The following TNIP3 variants were observed in gnomAD, a reference collection of about 807,000 sequenced individuals.
The protein encoded by TNIP3 is TNFAIP3-interacting protein 3.
Under a neutral mutation model 54.1 loss-of-function variants are expected in TNIP3, and 34 were observed. The observed-to-expected ratio is 0.63, with a 90% confidence interval of 0.48 to 0.84. The LOEUF is 0.84. Among genes scored for constraint, TNIP3 ranks in the 40% least tolerant of loss-of-function variants. The pLI, the probability that TNIP3 is intolerant of heterozygous loss-of-function variation, is 0.00. For missense variants in TNIP3, 366 were observed against 387.6 expected (o/e 0.94, Z 0.47); for synonymous variants, 134 against 136.8 (o/e 0.98, Z 0.14).
chr4:121,218,810 CCTCAG>C (rs1291653971), upstream of TNIP3, among the ~76,000 whole-genome samples: 3 of 147,818 alleles, frequency 2.0e-5, no homozygotes, highest in Non-Finnish European at 3.0e-5. Flanking sequence ...AATTCTCCTC[CCTCAG>C]CCTCTTGAGT....
intron 3 of TNIP3, among the ~76,000 whole-genome samples, chr4:121,169,878 G>A (rs1730975339): frequency 6.6e-6 from 1 of 152,208 alleles, no homozygotes; most frequent in African/African-American, 2.4e-5. Context: ...ATATAGCGAG[G>A]TTGTTTGCAG....
At chr4:121,200,659 C>G (rs1725834209) in intron 2 of TNIP3, among the ~76,000 whole-genome samples, 1 of 152,170 alleles carries the variant, frequency 6.6e-6, no homozygotes, top group Non-Finnish European at 1.5e-5. Flanking sequence ...AATGCCAAAG[C>G]TATTGGTTTA....
intron 10 of TNIP3, among the ~76,000 whole-genome samples, chr4:121,133,251 G>T (rs1728582646): frequency 6.6e-6 from 1 of 152,172 alleles, no homozygotes; most frequent in Non-Finnish European, 1.5e-5. Flanking sequence ...GAAACAAAGA[G>T]TTATCCTTAT....
At chr4:121,174,739 T>C (rs1266555902) in intron 3 of TNIP3, among the ~76,000 whole-genome samples, 1 of 152,112 alleles carries the variant, frequency 6.6e-6, no homozygotes, top group African/African-American at 2.4e-5. Context: ...AGAAAACATA[T>C]TTACATACTT....
At chr4:121,163,940 A>C in intron 1 of TNIP3, 120 bp downstream of exon 1, 1 of 1,176,650 alleles carries the variant, frequency 8.5e-7, no homozygotes, top group Non-Finnish European at 1.2e-6. Flanking sequence ...TATAGAGCAA[A>C]TCTTAGCTAA....
At chr4:121,220,208 G>A (rs955293772), upstream of TNIP3, among the ~76,000 whole-genome samples, 2 of 152,178 alleles carry the variant, frequency 1.3e-5, no homozygotes, top group African/African-American at 2.4e-5. Context: ...CCTACAGGTA[G>A]GCAGTCAGTT....
intron 5 of TNIP3, among the ~76,000 whole-genome samples, chr4:121,150,949 T>C (rs886144614): frequency 6.6e-6 from 1 of 152,178 alleles, no homozygotes; most frequent in African/African-American, 2.4e-5. Flanking sequence ...TAGCATGACA[T>C]GAGGAGAGGA....
intron 10 of TNIP3, chr4:121,137,326 A>G (rs555533046): frequency 4.6e-5 from 7 of 152,304 alleles, no homozygotes; most frequent in African/African-American, 1.7e-4. Context: ...TGCAACACAC[A>G]TTCCGGTTAA....
At chr4:121,177,931 T>G (rs1166558292) in intron 3 of TNIP3, among the ~76,000 whole-genome samples, 1 of 152,202 alleles carries the variant, frequency 6.6e-6, no homozygotes, top group African/African-American at 2.4e-5. Context: ...AGTGGTCTAT[T>G]GGGATAAAGA....
chr4:121,157,339 C>A, intron 3 of TNIP3, 96 bp from the exon 4 acceptor site: 1 of 1,516,780 alleles, frequency 6.6e-7, no homozygotes, highest in Non-Finnish European at 9.1e-7. Context: ...CAGAAACGCC[C>A]CACCCCAGGA....
chr4:121,163,613 G>GT (rs1485506708), intron 1 of TNIP3, among the ~76,000 whole-genome samples: 1 of 151,956 alleles, frequency 6.6e-6, no homozygotes, highest in Non-Finnish European at 1.5e-5. Flanking sequence ...TTATACCTTG[G>GT]TTATCTGTAA....
chr4:121,147,279 C>T lies in TNIP3; in HGVS notation c.610-105G>A, dbSNP rs535270179. The T allele has an allele frequency of 2.2e-4, 309 of 1,374,198 alleles. 2 individuals are homozygous for T. The African/African-American group carries it at 3.8e-3, about 17-fold the overall frequency. 85.1% of individuals were successfully genotyped at this position (1,374,198 alleles called of 1,614,324 possible). A position where few individuals can be genotyped will look rare whatever the true frequency, so the allele number is the denominator to read the frequency against. Reference sequence around the variant, plus strand: ...TGCCTACTCCATTATTGTAAAGAACCCTCCCAACTAGTGTTCAGTGTCACT... The same window carrying T: ...TGCCTACTCCATTATTGTAAAGAACTCTCCCAACTAGTGTTCAGTGTCACT... On this transcript the variant is annotated intron_variant, in intron 6 of 10. Coordinates refer to ENST00000057513, the MANE Select transcript of TNIP3 (RefSeq NM_024873.6).
At position 121,138,047 on chromosome 4, in the gene TNIP3, A is replaced by G. The variant is rs1032603716; in HGVS notation, c.946+577T>C. 3 of 447,322 alleles carry G rather than the reference A, an allele frequency of 6.7e-6. No individual in the cohort carries two copies. The East Asian group carries it at 2.1e-4, about 31-fold the overall frequency. 27.7% of individuals were successfully genotyped at this position (447,322 alleles called of 1,614,324 possible). ...AGAAAACAGAAAATGTTAAATCAAT[A>G]AAAAATAAGATTTAAAAAAGTACTC... On this transcript the variant is annotated intron_variant, in intron 10 of 10. Transcript: ENST00000057513.
chr4:121,186,102 G>T (rs1725003914), intron 2 of TNIP3, among the ~76,000 whole-genome samples: 1 of 152,196 alleles, frequency 6.6e-6, no homozygotes, highest in African/African-American at 2.4e-5. Flanking sequence ...TGAGGATAGT[G>T]GTTTTCTGGG....
intron 6 of TNIP3, 83 bp downstream of exon 6, chr4:121,150,020 G>T: frequency 1.3e-6 from 1 of 786,572 alleles, no homozygotes; most frequent in Non-Finnish European, 2.1e-6. Context: ...ATTTCTAGCA[G>T]CAAGACATCT....
intron 10 of TNIP3, among the ~76,000 whole-genome samples, chr4:121,135,249 A>T (rs1014917261): frequency 6.6e-6 from 1 of 152,152 alleles, no homozygotes; most frequent in Admixed American, 6.5e-5. Context: ...GATTCATGAG[A>T]TTTACACAGA....
At chr4:121,138,207 G>C (rs553797361) in intron 10 of TNIP3, among the ~76,000 whole-genome samples, 1 of 152,170 alleles carries the variant, frequency 6.6e-6, no homozygotes, top group Non-Finnish European at 1.5e-5. Context: ...ACACAGTTCC[G>C]AGCCTTTGGT....
intron 3 of TNIP3, among the ~76,000 whole-genome samples, chr4:121,169,596 G>A (rs2148820337): frequency 6.6e-6 from 1 of 152,316 alleles, no homozygotes; most frequent in East Asian, 1.9e-4. Context: ...GCGTGTTCAT[G>A]TGGGACTCAC....
At chr4:121,156,890 A>G (rs992845025) in intron 4 of TNIP3, among the ~76,000 whole-genome samples, 1 of 152,206 alleles carries the variant, frequency 6.6e-6, no homozygotes, top group East Asian at 1.9e-4. Context: ...GGAAGCCGGC[A>G]GAGAATCTCC....
Sources: allele counts gnomAD v4.1 joint callset (sites outside exome capture counted in the v4.1 genomes callset), GRCh38; gene constraint gnomAD v4.1.1; transcripts MANE v1.5; gene names NCBI Gene and HGNC (gene_info 2026-07-23, HGNC 2026-07-21).